The following FMNL2 variants were observed in gnomAD, a reference collection of about 807,000 sequenced individuals.
The protein encoded by FMNL2 is formin like 2, also known as formin-like protein 2.
A neutral mutation model predicts 130.2 loss-of-function variants in FMNL2; 51 were observed. That is an observed-to-expected ratio of 0.39 (90% confidence interval 0.31 to 0.49). The LOEUF (loss-of-function observed/expected upper bound fraction) is 0.49. Ranked by LOEUF, FMNL2 falls within the 20% of genes least tolerant of loss-of-function variation. The pLI, the probability that FMNL2 is intolerant of heterozygous loss-of-function variation, is 0.85. For missense variants in FMNL2, 977 were observed against 1,316.2 expected, an observed-to-expected ratio of 0.74 and a Z score of 3.99; for synonymous variants, 465 against 467.1, an observed-to-expected ratio of 1.00 and a Z score of 0.06.
intron 1 of FMNL2, among the ~76,000 whole-genome samples, chr2:152,429,867 T>C (rs1382336417): frequency 6.6e-6 from 1 of 152,188 alleles, no homozygotes; most frequent in Non-Finnish European, 1.5e-5. Flanking sequence ...CTGGGATAAA[T>C]AATCTGACAT....
chr2:152,537,954 C>T (rs1558946553), intron 2 of FMNL2, among the ~76,000 whole-genome samples: 1 of 152,132 alleles, frequency 6.6e-6, no homozygotes, highest in Non-Finnish European at 1.5e-5. Context: ...CCTCAGTTCC[C>T]TCATCTGCAA....
chr2:152,380,462 G>A (rs1684399353), intron 1 of FMNL2, among the ~76,000 whole-genome samples: 1 of 152,202 alleles, frequency 6.6e-6, no homozygotes, highest in Admixed American at 6.5e-5. Flanking sequence ...ACAAGTTCTT[G>A]CCATGCTTGT....
At chr2:152,416,545 G>C (rs1277943619) in intron 1 of FMNL2, among the ~76,000 whole-genome samples, 1 of 152,162 alleles carries the variant, frequency 6.6e-6, no homozygotes, top group Non-Finnish European at 1.5e-5. Context: ...AACATTTGAA[G>C]TAAAAGACCA....
intron 11 of FMNL2, among the ~76,000 whole-genome samples, chr2:152,613,299 A>G (rs1265029565): frequency 6.6e-6 from 1 of 152,196 alleles, no homozygotes; most frequent in African/African-American, 2.4e-5. Context: ...ATAAATTCCT[A>G]GCGGTGTTTT....
intron 1 of FMNL2, among the ~76,000 whole-genome samples, chr2:152,493,073 A>G (rs1477588746): frequency 3.9e-5 from 6 of 152,182 alleles, no homozygotes; most frequent in Non-Finnish European, 1.5e-5. Context: ...TGAAATCCCA[A>G]GGGGTACATC....
intron 9 of FMNL2, among the ~76,000 whole-genome samples, chr2:152,604,496 G>A (rs1698252420): frequency 6.8e-6 from 1 of 148,086 alleles, no homozygotes. Flanking sequence ...CATGAATCAC[G>A]GTCTGCTTCT....
At position 152,619,494 on chromosome 2, in the gene FMNL2, TTTTTTCTTTGCTAGTGCA is replaced by T. The variant is rs1324973844; in HGVS notation, c.1628-14_1631del. 6.5e-7 allele frequency: 1 copy of T among 1,550,002 alleles called. No individual in the cohort carries two copies. The highest frequency in any genetic ancestry group is 2.0e-5 in the Admixed American group (1 of 50,992). ...CGTATTTTCAAAGTCCATCTGTTTCTTTTTTCTTTGCTAGTGCAAAATGGTCCAGTAACACCACCTATG... is the reference window on the plus strand; with the variant it reads ...CGTATTTTCAAAGTCCATCTGTTTCTAAATGGTCCAGTAACACCACCTATG... On this transcript the variant is annotated splice_acceptor_variant and splice_polypyrimidine_tract_variant and coding_sequence_variant and intron_variant, in exon 15 of 26. Coordinates refer to ENST00000288670, the MANE Select transcript of FMNL2 (RefSeq NM_052905.4). LOFTEE classifies it high-confidence loss of function.
At chr2:152,432,333 A>C (rs143925996) in intron 1 of FMNL2, among the ~76,000 whole-genome samples, 2 of 152,060 alleles carry the variant, frequency 1.3e-5, no homozygotes, top group Non-Finnish European at 2.9e-5. Flanking sequence ...TCATTCTCTG[A>C]TTTTGCAATA....
chr2:152,549,170 A>G (rs12468789), intron 4 of FMNL2, 73 bp downstream of exon 4: 194,410 of 1,052,846 alleles, frequency 0.18, 19,958 homozygotes, highest in South Asian at 0.23. Flanking sequence ...TCATACCCAA[A>G]GAATTGAGCT....
At chr2:152,421,344 G>T (rs1382884754) in intron 1 of FMNL2, among the ~76,000 whole-genome samples, 1 of 152,160 alleles carries the variant, frequency 6.6e-6, no homozygotes, top group Non-Finnish European at 1.5e-5. Context: ...CAGTGTTAGG[G>T]TTACAGGTAC....
intron 1 of FMNL2, among the ~76,000 whole-genome samples, chr2:152,426,378 C>T (rs897338917): frequency 2.0e-5 from 3 of 152,188 alleles, no homozygotes; most frequent in East Asian, 1.9e-4. Flanking sequence ...AATGGCCCCT[C>T]GGTTGTGGTT....
intron 2 of FMNL2, among the ~76,000 whole-genome samples, chr2:152,533,973 T>G (rs1693849512): frequency 6.6e-6 from 1 of 152,160 alleles, no homozygotes; most frequent in African/African-American, 2.4e-5. Context: ...AGAGAGATGG[T>G]TTATGTTATA....
At position 152,521,972 on chromosome 2, in the gene FMNL2, C is replaced by G; in HGVS notation, c.147C>G (p.Ala49=). The change falls in exon 2 of 26, where the codon GCC becomes GCG. Residue 49 remains alanine, a synonymous_variant. Coordinates refer to ENST00000288670, the MANE Select transcript of FMNL2 (RefSeq NM_052905.4). ...CTATGAACCTACCTCCTGACAAAGCCAGGTTACTGCGGCAGTATGATAATG... is the reference window on the plus strand; with the variant it reads ...CTATGAACCTACCTCCTGACAAAGCGAGGTTACTGCGGCAGTATGATAATG... ...LNAMNLPPDK[A]RLLRQYDNEK... The G allele has an allele frequency of 6.2e-7, 1 of 1,612,562 alleles. No homozygotes were observed. The highest frequency in any genetic ancestry group is 8.5e-7 in the Non-Finnish European group (1 of 1,179,430).
rs1696043274 is a variant in FMNL2, at chr2:152,569,459, A to G, written c.597-5677A>G. 2.0e-5 allele frequency among the ~76,000 whole-genome samples: 3 copies of G among 152,276 alleles called. No homozygotes were observed. In the South Asian group the frequency reaches 6.2e-4, roughly 32 times the overall value. On this transcript the variant is annotated intron_variant, in intron 6 of 25. Transcript: ENST00000288670. ...ATAGATTCATTGTTGAGCATTAAGT[A>G]GGTGGCTGGGTGCAGTTGTCACCTG...
chr2:152,492,328 T>A (rs1257317451), intron 1 of FMNL2, among the ~76,000 whole-genome samples: 2 of 152,218 alleles, frequency 1.3e-5, no homozygotes, highest in Non-Finnish European at 2.9e-5. Flanking sequence ...AAACAGGAAC[T>A]TCATTTCGGG....
chr2:152,543,289 C>T (rs1171995142), intron 3 of FMNL2, among the ~76,000 whole-genome samples: 2 of 151,710 alleles, frequency 1.3e-5, no homozygotes, highest in African/African-American at 4.8e-5. Context: ...CTGCCCCTGG[C>T]CTGAGAAGGT....
In FMNL2 at chr2:152,439,787, A is replaced by G. The variant is rs958479539; in HGVS notation, c.118-82156A>G. On this transcript the variant is annotated intron_variant, in intron 1 of 25. Coordinates refer to ENST00000288670, the MANE Select transcript of FMNL2 (RefSeq NM_052905.4). ...CTACTTTTGTTTTGGGGTCATATTT[A>G]AGTTAATTTGGTCTAGTATGCCGTG... Among the ~76,000 whole-genome samples, 3 of 149,106 alleles carry G rather than the reference A, an allele frequency of 2.0e-5. No homozygotes were observed. In the Admixed American group the frequency reaches 2.0e-4, roughly 10 times the overall value.
At chr2:152,373,201 G>T (rs1439653535) in intron 1 of FMNL2, among the ~76,000 whole-genome samples, 1 of 152,152 alleles carries the variant, frequency 6.6e-6, no homozygotes, top group African/African-American at 2.4e-5. Flanking sequence ...AATATTATGA[G>T]ACTATTCAAG....
intron 17 of FMNL2, among the ~76,000 whole-genome samples, chr2:152,627,818 A>G (rs1681898708): frequency 6.6e-6 from 1 of 152,226 alleles, no homozygotes. Flanking sequence ...TCCAAAGAAG[A>G]AAAAATACTA....
Sources: allele counts gnomAD v4.1 joint callset (sites outside exome capture counted in the v4.1 genomes callset), GRCh38; gene constraint gnomAD v4.1.1; transcripts MANE v1.5; gene names NCBI Gene and HGNC (gene_info 2026-07-23, HGNC 2026-07-21).